Variants in ZNF407 observed in about 807,000 individuals in gnomAD.
ZNF407 encodes zinc finger protein 407.
ZNF407 carries 17 observed loss-of-function variants against 131.2 expected under a neutral mutation model. The ratio of observed to expected loss-of-function variants is 0.13; its 90% CI spans 0.09 to 0.19. ZNF407 has a LOEUF of 0.19. Ranked by LOEUF, ZNF407 falls within the 10% of genes least tolerant of loss-of-function variation. ZNF407 has a pLI of 1.00. For missense variants in ZNF407, 2,681 were observed against 2,830.6 expected, an observed-to-expected ratio of 0.95 and a Z score of 1.20; for synonymous variants, 1,156 against 1,062.0, an observed-to-expected ratio of 1.09 and a Z score of -1.72.
intron 3 of ZNF407, among the ~76,000 whole-genome samples, chr18:74,752,721 T>A (rs1436346476): frequency 6.6e-6 from 1 of 152,194 alleles, no homozygotes; most frequent in Non-Finnish European, 1.5e-5. Context: ...TCTGTTCTGT[T>A]CCATTGGTTT....
chr18:74,604,300 A>G (rs1428681713), intron 1 of ZNF407, among the ~76,000 whole-genome samples: 3 of 152,158 alleles, frequency 2.0e-5, no homozygotes, highest in Non-Finnish European at 4.4e-5. Flanking sequence ...CCGTGTGGCA[A>G]GTTCCCTTCT....
chr18:74,691,387 C>T (rs1322305070), intron 3 of ZNF407, among the ~76,000 whole-genome samples: 1 of 151,668 alleles, frequency 6.6e-6, no homozygotes, highest in African/African-American at 2.4e-5. Flanking sequence ...ATTACCTTTT[C>T]TAAAACAGCC....
chr18:74,949,066 C>T (rs1277618358), intron 8 of ZNF407, among the ~76,000 whole-genome samples: 1 of 151,856 alleles, frequency 6.6e-6, no homozygotes, highest in Non-Finnish European at 1.5e-5. Flanking sequence ...GAGAAGAACG[C>T]GAAGAAAACT....
chr18:74,673,829 ATTTAC>A (rs1391424410), intron 3 of ZNF407, among the ~76,000 whole-genome samples: 3 of 152,180 alleles, frequency 2.0e-5, no homozygotes, highest in African/African-American at 7.2e-5. Context: ...ATTCATTGTT[ATTTAC>A]TTAAAGTTTT....
chr18:74,610,139 C>A (rs199949766), intron 1 of ZNF407, among the ~76,000 whole-genome samples: 3 of 152,258 alleles, frequency 2.0e-5, no homozygotes, highest in East Asian at 1.9e-4. Context: ...CTGCAATACA[C>A]AAGCCACTCA....
intron 3 of ZNF407, among the ~76,000 whole-genome samples, chr18:74,757,570 A>G (rs915700955): frequency 1.3e-5 from 2 of 152,054 alleles, no homozygotes; most frequent in Non-Finnish European, 2.9e-5. Context: ...TTTATATCCT[A>G]TCATATGATC....
intron 3 of ZNF407, among the ~76,000 whole-genome samples, chr18:74,681,532 C>T (rs1392086862): frequency 3.9e-5 from 6 of 152,162 alleles, no homozygotes; most frequent in African/African-American, 7.2e-5. Flanking sequence ...CTTGAGCCAT[C>T]GCGCCTGGCC....
At chr18:74,873,528 A>T (rs1971115541) in intron 4 of ZNF407, among the ~76,000 whole-genome samples, 1 of 152,156 alleles carries the variant, frequency 6.6e-6, no homozygotes, top group Non-Finnish European at 1.5e-5. Flanking sequence ...TTTTGAGAAT[A>T]CTAGAAAAAG....
At chr18:74,946,722 A>T (rs1972157747) in intron 8 of ZNF407, among the ~76,000 whole-genome samples, 1 of 152,266 alleles carries the variant, frequency 6.6e-6, no homozygotes, top group Non-Finnish European at 1.5e-5. Flanking sequence ...TATAAGAAAA[A>T]ACTAAGCATA....
In ZNF407 at chr18:74,791,739, T is replaced by C. The variant is rs566260533; in HGVS notation, c.4877+10237T>C. Among the ~76,000 whole-genome samples, 61 of 152,292 alleles carry C rather than the reference T, an allele frequency of 4.0e-4. 3 individuals carry two copies. Among genetic ancestry groups the C allele is most frequent in the African/African-American group, 1.5e-3 (61 of 41,574 alleles). On this transcript the variant is annotated intron_variant, in intron 4 of 8. Transcript: ENST00000299687. ...TTAGAATGCTGATTTAGCAGCATTCTATTTTGCCTTCCTTTTAAAAAGGCG... is the reference window on the plus strand; with the variant it reads ...TTAGAATGCTGATTTAGCAGCATTCCATTTTGCCTTCCTTTTAAAAAGGCG...
At chr18:75,004,904 G>A (rs570430603) in intron 8 of ZNF407, among the ~76,000 whole-genome samples, 53 of 152,276 alleles carry the variant, frequency 3.5e-4, no homozygotes, top group African/African-American at 1.1e-3. Flanking sequence ...TTCTGGCAGC[G>A]CTGGGATGGG....
intron 4 of ZNF407, among the ~76,000 whole-genome samples, chr18:74,862,424 TA>T (rs970182430): frequency 3.3e-5 from 5 of 151,656 alleles, no homozygotes; most frequent in East Asian, 3.9e-4. Context: ...AGGAGAGAAA[TA>T]AAAAAAAATT....
intron 8 of ZNF407, among the ~76,000 whole-genome samples, chr18:75,045,843 A>G (rs1337100483): frequency 6.6e-6 from 1 of 152,144 alleles, no homozygotes; most frequent in African/African-American, 2.4e-5. Flanking sequence ...GAGGTAGATG[A>G]CTATACTCTT....
intron 3 of ZNF407, among the ~76,000 whole-genome samples, chr18:74,758,711 C>T (rs562144018): frequency 6.6e-6 from 1 of 152,238 alleles, no homozygotes; most frequent in East Asian, 1.9e-4. Flanking sequence ...CTGCCTCAGC[C>T]TTCCTGGTAG....
At chr18:74,813,307 C>T (rs941415474) in intron 4 of ZNF407, among the ~76,000 whole-genome samples, 1 of 152,124 alleles carries the variant, frequency 6.6e-6, no homozygotes, top group South Asian at 2.1e-4. Context: ...CATGAGGGCT[C>T]CTTGTGTTCT....
At chr18:74,921,305 A>G (rs1971843948) in intron 8 of ZNF407, among the ~76,000 whole-genome samples, 1 of 152,228 alleles carries the variant, frequency 6.6e-6, no homozygotes, top group Non-Finnish European at 1.5e-5. Flanking sequence ...CTGCAACTGC[A>G]GAGTAAAGCA....
intron 3 of ZNF407, among the ~76,000 whole-genome samples, chr18:74,653,690 A>G (rs1398681330): frequency 6.6e-6 from 1 of 151,850 alleles, no homozygotes; most frequent in African/African-American, 2.4e-5. Flanking sequence ...TTTACAAAAT[A>G]GCGATACTAC....
intron 4 of ZNF407, among the ~76,000 whole-genome samples, chr18:74,789,045 T>C (rs1969775434): frequency 6.6e-6 from 1 of 152,086 alleles, no homozygotes; most frequent in South Asian, 2.1e-4. Flanking sequence ...TGATCTATAG[T>C]GTTTGAAGAT....
chr18:74,692,505 C>T (rs2144802057), intron 3 of ZNF407, among the ~76,000 whole-genome samples: 1 of 152,042 alleles, frequency 6.6e-6, no homozygotes, highest in Non-Finnish European at 1.5e-5. Flanking sequence ...TAGGTAGGCC[C>T]TCTCAGGAAG....
Sources: allele counts gnomAD v4.1 joint callset (sites outside exome capture counted in the v4.1 genomes callset), GRCh38; gene constraint gnomAD v4.1.1; transcripts MANE v1.5; gene names NCBI Gene and HGNC (gene_info 2026-07-23, HGNC 2026-07-21).